The following MTHFD1L variants were observed in gnomAD, a reference collection of about 807,000 sequenced individuals.
The protein encoded by MTHFD1L is monofunctional C1-tetrahydrofolate synthase, mitochondrial.
A neutral mutation model predicts 119.5 loss-of-function variants in MTHFD1L; 81 were observed. The ratio of observed to expected loss-of-function variants is 0.68; its 90% CI spans 0.57 to 0.82. The LOEUF (loss-of-function observed/expected upper bound fraction) is 0.82. Ranked by LOEUF, MTHFD1L falls within the 40% of genes least tolerant of loss-of-function variation. The probability of loss-of-function intolerance (pLI) is 0.00; values close to 1 mark genes in which losing one functional copy is unlikely to be tolerated. For synonymous variants in MTHFD1L, 430 were observed against 475.2 expected, an observed-to-expected ratio of 0.90 and a Z score of 1.24; for missense variants, 1,125 against 1,253.4, an observed-to-expected ratio of 0.90 and a Z score of 1.55.
At chr6:150,897,492 AT>A (rs943358641) in intron 7 of MTHFD1L, among the ~76,000 whole-genome samples, 1 of 152,062 alleles carries the variant, frequency 6.6e-6, no homozygotes, top group Non-Finnish European at 1.5e-5. Context: ...TTGCTTTCCG[AT>A]TTTTCTGTGG....
intron 26 of MTHFD1L, among the ~76,000 whole-genome samples, chr6:151,077,635 C>T (rs887923263): frequency 2.0e-5 from 3 of 152,010 alleles, no homozygotes; most frequent in Admixed American, 1.3e-4. Flanking sequence ...GAGCCAAGAT[C>T]GTGCCACTAT....
At chr6:151,048,138 G>A (rs1439577915) in intron 26 of MTHFD1L, among the ~76,000 whole-genome samples, 1 of 152,114 alleles carries the variant, frequency 6.6e-6, no homozygotes, top group African/African-American at 2.4e-5. Flanking sequence ...AATTCATCAT[G>A]AGATTTGGCT....
chr6:150,875,197 A>G (rs1053262139), intron 1 of MTHFD1L, among the ~76,000 whole-genome samples: 1 of 152,078 alleles, frequency 6.6e-6, no homozygotes, highest in Non-Finnish European at 1.5e-5. Context: ...CTGGGACTAC[A>G]GTCACGTGCC....
chr6:150,887,343 A>G (rs1221484415), intron 6 of MTHFD1L, among the ~76,000 whole-genome samples: 1 of 152,230 alleles, frequency 6.6e-6, no homozygotes, highest in Non-Finnish European at 1.5e-5. Context: ...AAAGAAATTC[A>G]GCAACAGGAA....
chr6:150,874,271 A>G (rs1780027583), intron 1 of MTHFD1L, among the ~76,000 whole-genome samples: 1 of 152,206 alleles, frequency 6.6e-6, no homozygotes, highest in African/African-American at 2.4e-5. Context: ...GTGTTTCCAA[A>G]CAAAACTAAC....
At chr6:150,989,331 G>A (rs1778744351) in intron 20 of MTHFD1L, among the ~76,000 whole-genome samples, 1 of 152,162 alleles carries the variant, frequency 6.6e-6, no homozygotes, top group Admixed American at 6.5e-5. Flanking sequence ...ATTAAATAGT[G>A]TAACCCTGAA....
At chr6:150,983,986 G>C (rs907950173) in intron 20 of MTHFD1L, among the ~76,000 whole-genome samples, 1 of 152,020 alleles carries the variant, frequency 6.6e-6, no homozygotes, top group Non-Finnish European at 1.5e-5. Context: ...TGCCCAGGCT[G>C]GTCTTAAACT....
At chr6:150,866,202 G>T in intron 1 of MTHFD1L, 153 bp downstream of exon 1, 1 of 1,359,106 alleles carries the variant, frequency 7.4e-7, no homozygotes, top group Non-Finnish European at 9.6e-7. Context: ...GTCGGGAAAC[G>T]CGGGCTTGGG....
chr6:150,895,239 T>G (rs1784026678), intron 7 of MTHFD1L, among the ~76,000 whole-genome samples: 1 of 152,232 alleles, frequency 6.6e-6, no homozygotes, highest in Admixed American at 6.5e-5. Flanking sequence ...GATTTCACTC[T>G]GATGCCAAAA....
intron 20 of MTHFD1L, among the ~76,000 whole-genome samples, chr6:151,004,498 G>T (rs189037104): frequency 6.6e-6 from 1 of 152,112 alleles, no homozygotes; most frequent in East Asian, 1.9e-4. Flanking sequence ...TGGTGTTCTC[G>T]TTTCTGCCGT....
chr6:150,957,690 G>A (rs992362803), intron 17 of MTHFD1L, among the ~76,000 whole-genome samples: 7 of 152,096 alleles, frequency 4.6e-5, no homozygotes, highest in Non-Finnish European at 7.4e-5. Flanking sequence ...ATAAATGTGC[G>A]TATGGGTGTC....
At chr6:150,955,336 T>C (rs538479817) in intron 16 of MTHFD1L, among the ~76,000 whole-genome samples, 1 of 152,300 alleles carries the variant, frequency 6.6e-6, no homozygotes, top group South Asian at 2.1e-4. Flanking sequence ...TAATATTCCA[T>C]TGCCTGTCTG....
At chr6:150,980,908 C>T (rs1047546082) in intron 20 of MTHFD1L, among the ~76,000 whole-genome samples, 7 of 152,074 alleles carry the variant, frequency 4.6e-5, no homozygotes, top group East Asian at 1.9e-4. Context: ...AGATCTGTAG[C>T]GGAGGTTCTC....
At chr6:151,040,276 A>G (rs1181718908) in intron 26 of MTHFD1L, among the ~76,000 whole-genome samples, 1 of 152,226 alleles carries the variant, frequency 6.6e-6, no homozygotes, top group African/African-American at 2.4e-5. Flanking sequence ...GGGAGCCCCA[A>G]CTTTAAGAAG....
intron 11 of MTHFD1L, 112 bp from the exon 12 acceptor site, chr6:150,936,692 T>G (rs1267994810): frequency 1.0e-5 from 13 of 1,261,598 alleles, no homozygotes; most frequent in Non-Finnish European, 4.5e-6. Context: ...AATTAAATTA[T>G]GGAGTGCATT....
At chr6:151,094,028 G>A (rs1562655495) in intron 27 of MTHFD1L, among the ~76,000 whole-genome samples, 1 of 152,138 alleles carries the variant, frequency 6.6e-6, no homozygotes, top group African/African-American at 2.4e-5. Flanking sequence ...GAAGAAAAAT[G>A]ACCACATTCC....
intron 7 of MTHFD1L, chr6:150,898,862 G>T: frequency 2.6e-6 from 1 of 380,596 alleles, no homozygotes; most frequent in South Asian, 2.2e-5. Context: ...TTTTTCAGAC[G>T]GAGTCTCGTT....
At chr6:150,905,036 CT>C (rs36039459) in intron 7 of MTHFD1L, among the ~76,000 whole-genome samples, 11,184 of 111,470 alleles carry the variant, frequency 0.1, 306 homozygotes, top group Middle Eastern at 0.16. Flanking sequence ...TTGTTTTCCT[CT>C]TTTTTTTTTT....
chr6:151,012,000 T>TCAACAACAACAACAACAACAA (rs773521876), intron 21 of MTHFD1L, among the ~76,000 whole-genome samples: 1 of 63,726 alleles, frequency 1.6e-5, no homozygotes, highest in African/African-American at 8.9e-5. Flanking sequence ...AAAGTCCATC[T>TCAACAACAACAACAACAACAA]CAACAACAAC....
Sources: gnomAD v4.1 joint callset for allele counts (sites outside exome capture counted in the v4.1 genomes callset) on GRCh38, gnomAD v4.1.1 for gene constraint, MANE v1.5 for transcripts, NCBI Gene and HGNC (gene_info 2026-07-23, HGNC 2026-07-21) for gene names.